Variants in DCAF17 observed in about 807,000 individuals in gnomAD.
The protein encoded by DCAF17 is DDB1- and CUL4-associated factor 17.
DCAF17 carries 48 observed loss-of-function variants against 66.0 expected under a neutral mutation model. The ratio of observed to expected loss-of-function variants is 0.73; its 90% CI spans 0.58 to 0.92. DCAF17 has a LOEUF of 0.92. Among genes scored for constraint, DCAF17 ranks in the 40% least tolerant of loss-of-function variants. The pLI, the probability that DCAF17 is intolerant of heterozygous loss-of-function variation, is 0.00. For missense variants in DCAF17, 562 were observed against 622.8 expected (o/e 0.90, Z 1.04); for synonymous variants, 206 against 214.6 (o/e 0.96, Z 0.35).
At chr2:171,442,563 CAAAA>C (rs1176443561) in intron 2 of DCAF17, among the ~76,000 whole-genome samples, 11 of 60,596 alleles carry the variant, frequency 1.8e-4, no homozygotes, top group South Asian at 5.7e-4. Flanking sequence ...GACTCCATCT[CAAAA>C]AAAAAAAAAA....
At chr2:171,476,975 C>A in intron 11 of DCAF17, 25 bp downstream of exon 11, 1 of 1,515,710 alleles carries the variant, frequency 6.6e-7, no homozygotes, top group Non-Finnish European at 9.2e-7. Context: ...CTTTAAAATC[C>A]TTTATATATC....
intron 5 of DCAF17, among the ~76,000 whole-genome samples, chr2:171,451,043 A>T (rs886948651): frequency 7.1e-6 from 1 of 140,876 alleles, no homozygotes; most frequent in Non-Finnish European, 1.6e-5. Flanking sequence ...CTCTAGCATT[A>T]AAAAAAAAAA....
rs1484670813 is a variant in DCAF17, at chr2:171,443,374, A to C, written c.231-149A>C. The C allele has an allele frequency of 6.6e-6, 4 of 603,178 alleles. No individual in the cohort carries two copies. In the African/African-American group the frequency reaches 7.5e-5, roughly 11 times the overall value. The allele number at this position is 603,178 out of a possible 1,614,324, so 37.4% of individuals were successfully genotyped here. On this transcript the variant is annotated intron_variant, in intron 2 of 13. Transcript: ENST00000375255. ...TTTTTTTTATATGAATTATGTGATC[A>C]GAAAAAAATATTAATATTTAGTTAA...
rs533510209 is a variant in DCAF17 at position 171,481,810 on chromosome 2, A to G, written c.*696A>G. ...AAGATTCCAAGCAAACCTTAAGTGA[A>G]ATTGTTTTCTGATTTGCATCCTGTT... On this transcript the variant is annotated 3_prime_UTR_variant, in exon 14 of 14. Coordinates refer to ENST00000375255, the MANE Select transcript of DCAF17 (RefSeq NM_025000.4). The G allele has an allele frequency of 2.9e-5, 13 of 453,360 alleles. No homozygotes were observed. The East Asian group carries it at 9.0e-4, about 32-fold the overall frequency. 28.1% of individuals were successfully genotyped at this position (453,360 alleles called of 1,614,324 possible).
At chr2:171,461,923 T>C (rs1209477592) in intron 8 of DCAF17, among the ~76,000 whole-genome samples, 1 of 152,216 alleles carries the variant, frequency 6.6e-6, no homozygotes. Flanking sequence ...ATGTATTTTT[T>C]GGTTTGGCTT....
chr2:171,453,319 A>T, intron 6 of DCAF17, 106 bp downstream of exon 6: 1 of 844,370 alleles, frequency 1.2e-6, no homozygotes, highest in Non-Finnish European at 1.8e-6. Flanking sequence ...TCCCCTCACT[A>T]TAAAAAGTTC....
chr2:171,451,525 G>A (rs1334262589), intron 5 of DCAF17, among the ~76,000 whole-genome samples: 1 of 152,180 alleles, frequency 6.6e-6, no homozygotes, highest in Non-Finnish European at 1.5e-5. Flanking sequence ...AAAGTGTCTT[G>A]TCTGATGTAC....
intron 9 of DCAF17, chr2:171,472,753 G>T (rs75082854): frequency 0.029 from 4,989 of 170,762 alleles, 88 homozygotes; most frequent in East Asian, 0.05. Flanking sequence ...TGAATGCCTA[G>T]TCTGATACCT....
At chr2:171,446,722 A>G (rs944470171) in intron 3 of DCAF17, among the ~76,000 whole-genome samples, 1 of 152,220 alleles carries the variant, frequency 6.6e-6, no homozygotes, top group African/African-American at 2.4e-5. Context: ...TAAGTTGAGA[A>G]TTTAAAACAA....
At position 171,483,083 on chromosome 2, in the gene DCAF17, T is replaced by TA. The variant is rs1420145196; in HGVS notation, c.*1974dup. ...GCATGGTTGTTAACAAGATAGATGG[T>TA]AAAAAGATGCCAGAAGATACAGAAG... On this transcript the variant is annotated 3_prime_UTR_variant, in exon 14 of 14. Transcript: ENST00000375255. The TA allele has an allele frequency of 2.2e-6, 1 of 454,006 alleles. No homozygotes were observed. Among genetic ancestry groups the TA allele is most frequent in the South Asian group, 1.6e-5 (1 of 64,472 alleles). 28.1% of individuals were successfully genotyped at this position (454,006 alleles called of 1,614,324 possible). A position where few individuals can be genotyped will look rare whatever the true frequency, so the allele number is the denominator to read the frequency against.
rs1239305642 is a variant in DCAF17, at chr2:171,484,180, C to A, written c.*3066C>A. On this transcript the variant is annotated 3_prime_UTR_variant, in exon 14 of 14. Coordinates refer to ENST00000375255, the MANE Select transcript of DCAF17 (RefSeq NM_025000.4). The stretch of plus-strand genomic sequence containing the variant: ...CATATTATTTGGCTTCCATATTAAT[C>A]ATTTTTATATTTTCTTCTCCTTCTT... 2.2e-6 allele frequency: 1 copy of A among 446,384 alleles called. No individual in the cohort carries two copies. Among genetic ancestry groups the A allele is most frequent in the Non-Finnish European group, 4.4e-6 (1 of 225,276 alleles). 27.7% of individuals were successfully genotyped at this position (446,384 alleles called of 1,614,324 possible).
At chr2:171,473,323 G>C (rs76347150) in intron 9 of DCAF17, among the ~76,000 whole-genome samples, 2 of 152,126 alleles carry the variant, frequency 1.3e-5, no homozygotes, top group East Asian at 3.8e-4. Flanking sequence ...TATTGGAAAA[G>C]GTCAGGTGCA....
chr2:171,480,630 G>C (rs983989443), intron 13 of DCAF17, among the ~76,000 whole-genome samples: 1 of 152,136 alleles, frequency 6.6e-6, no homozygotes, highest in Non-Finnish European at 1.5e-5. Context: ...AGGAACAATA[G>C]ACATCATTTT....
chr2:171,458,078 A>G lies in DCAF17; in HGVS notation c.732+3A>G. On this transcript the variant is annotated splice_donor_region_variant and intron_variant, in intron 7 of 13. Coordinates refer to ENST00000375255, the MANE Select transcript of DCAF17 (RefSeq NM_025000.4). ...GCTTCCAAACCATCGCTGAACAGGT[A>G]GAGAAAACTGAAATTTGTCATGTTA... 2.5e-6 allele frequency: 4 copies of G among 1,611,958 alleles called. No individual in the cohort carries two copies. Among genetic ancestry groups the G allele is most frequent in the Non-Finnish European group, 3.4e-6 (4 of 1,178,186 alleles).
At chr2:171,457,603 A>C (rs141076055) in intron 6 of DCAF17, among the ~76,000 whole-genome samples, 2,526 of 152,348 alleles carry the variant, frequency 0.017, 37 homozygotes, top group Non-Finnish European at 0.027. Context: ...TCCTTGGAAG[A>C]GTATGAATAG....
intron 5 of DCAF17, among the ~76,000 whole-genome samples, chr2:171,451,451 A>G (rs1441018195): frequency 6.6e-6 from 1 of 152,178 alleles, no homozygotes; most frequent in African/African-American, 2.4e-5. Context: ...TACTTTGGTA[A>G]AGGAAAATTC....
At chr2:171,442,345 T>C (rs1248526977) in intron 2 of DCAF17, among the ~76,000 whole-genome samples, 2 of 147,660 alleles carry the variant, frequency 1.4e-5, no homozygotes, top group African/African-American at 5.0e-5. Flanking sequence ...GATCACGTGG[T>C]CAGGAGTTCG....
chr2:171,458,580 A>T (rs1262505672), intron 8 of DCAF17, 103 bp downstream of exon 8: 4 of 938,700 alleles, frequency 4.3e-6, no homozygotes, highest in Non-Finnish European at 6.6e-6. Flanking sequence ...TTATTTAAAA[A>T]ACTCAATTCA....
intron 8 of DCAF17, among the ~76,000 whole-genome samples, chr2:171,466,727 GT>G (rs74268270): frequency 0.16 from 21,950 of 133,512 alleles, 1,542 homozygotes; most frequent in Middle Eastern, 0.23. Context: ...TGTTTGTACT[GT>G]TTTTTTTTTT....
Sources: allele counts gnomAD v4.1 joint callset (sites outside exome capture counted in the v4.1 genomes callset), GRCh38; gene constraint gnomAD v4.1.1; transcripts MANE v1.5; gene names NCBI Gene and HGNC (gene_info 2026-07-23, HGNC 2026-07-21).